The following CNTNAP5 variants were observed in gnomAD, a reference collection of about 807,000 sequenced individuals.
CNTNAP5 encodes contactin associated protein family member 5.
In CNTNAP5, 72 loss-of-function variants were observed where a neutral mutation model predicts 150.2. The ratio of observed to expected loss-of-function variants is 0.48; its 90% CI spans 0.40 to 0.58. The LOEUF (loss-of-function observed/expected upper bound fraction) is 0.58, where lower values mean the gene tolerates loss of function less well. Among genes scored for constraint, CNTNAP5 ranks in the 20% least tolerant of loss-of-function variants. CNTNAP5 has a pLI of 0.00. For missense variants in CNTNAP5, 1,636 were observed against 1,626.2 expected, an observed-to-expected ratio of 1.01 and a Z score of -0.10; for synonymous variants, 672 against 619.8, an observed-to-expected ratio of 1.08 and a Z score of -1.25.
chr2:124,084,318 G>A (rs1487925261), intron 1 of CNTNAP5, among the ~76,000 whole-genome samples: 2 of 151,538 alleles, frequency 1.3e-5, no homozygotes, highest in African/African-American at 4.9e-5. Flanking sequence ...CCAGGCTGGA[G>A]TGCAGTGGCT....
intron 19 of CNTNAP5, among the ~76,000 whole-genome samples, chr2:124,804,628 C>T (rs1017121982): frequency 1.3e-5 from 2 of 152,080 alleles, no homozygotes; most frequent in African/African-American, 4.8e-5. Context: ...TCTTTGAATG[C>T]CATGTGAGGA....
intron 13 of CNTNAP5, among the ~76,000 whole-genome samples, chr2:124,716,344 C>T (rs925656074): frequency 6.6e-6 from 1 of 152,004 alleles, no homozygotes; most frequent in Non-Finnish European, 1.5e-5. Flanking sequence ...CAACATATAT[C>T]GTTATCCTTA....
intron 19 of CNTNAP5, among the ~76,000 whole-genome samples, chr2:124,806,564 T>A (rs941350384): frequency 3.3e-5 from 5 of 152,194 alleles, no homozygotes; most frequent in African/African-American, 1.2e-4. Flanking sequence ...CTTTCCCAGT[T>A]TAAACGACTC....
chr2:124,286,232 A>G (rs1688146123), intron 3 of CNTNAP5, among the ~76,000 whole-genome samples: 1 of 152,116 alleles, frequency 6.6e-6, no homozygotes. Flanking sequence ...TCTGGCTCAC[A>G]AAGGCCTTTC....
intron 3 of CNTNAP5, among the ~76,000 whole-genome samples, chr2:124,411,365 C>T (rs1224524271): frequency 6.6e-6 from 1 of 152,080 alleles, no homozygotes; most frequent in Non-Finnish European, 1.5e-5. Flanking sequence ...GGTATCCTCC[C>T]TAACTCATTT....
chr2:124,542,592 G>C (rs1473041085), intron 10 of CNTNAP5, among the ~76,000 whole-genome samples: 1 of 151,988 alleles, frequency 6.6e-6, no homozygotes, highest in African/African-American at 2.4e-5. Context: ...CCCAAATCCA[G>C]CCCATCTGTC....
Position 124,772,884 on chromosome 2 carries a change from C to T in CNTNAP5, c.2619C>T (p.Asn873=), listed in dbSNP as rs780452798. The change falls in exon 17 of 24, where the codon AAC becomes AAT. Residue 873 remains asparagine (N), a synonymous_variant. Transcript: ENST00000682447. ...AGTCTCCTTCTCTTCTGAATGACAA[C>T]CAATGGCACTATGTCCGGGCTGAGA... ...VVQSPSLLND[N]QWHYVRAERN... is the part of the protein sequence containing the mutation. 219 of 1,613,512 alleles carry T rather than the reference C, an allele frequency of 1.4e-4. No homozygotes were observed. Among genetic ancestry groups the T allele is most frequent in the Admixed American group, 3.5e-4 (21 of 59,994 alleles).
intron 1 of CNTNAP5, among the ~76,000 whole-genome samples, chr2:124,110,881 T>C (rs1447893759): frequency 6.6e-6 from 1 of 152,172 alleles, no homozygotes; most frequent in Non-Finnish European, 1.5e-5. Context: ...AGGCCCTTGA[T>C]AGAAAGCTCA....
chr2:124,512,898 T>A (rs1694625568), intron 8 of CNTNAP5, among the ~76,000 whole-genome samples: 1 of 152,154 alleles, frequency 6.6e-6, no homozygotes, highest in Non-Finnish European at 1.5e-5. Context: ...ATTGACTACA[T>A]TTACATTAAA....
intron 1 of CNTNAP5, among the ~76,000 whole-genome samples, chr2:124,134,474 T>C (rs1238278858): frequency 6.6e-6 from 1 of 152,192 alleles, no homozygotes; most frequent in African/African-American, 2.4e-5. Flanking sequence ...CATTCTATTA[T>C]AAGATAATCT....
At chr2:124,767,049 C>T (rs1681083184) in intron 16 of CNTNAP5, among the ~76,000 whole-genome samples, 1 of 152,164 alleles carries the variant, frequency 6.6e-6, no homozygotes, top group South Asian at 2.1e-4. Context: ...TCTTTATTTA[C>T]AGCTACACTC....
At chr2:124,859,784 T>C (rs1203876668) in intron 19 of CNTNAP5, among the ~76,000 whole-genome samples, 1 of 152,010 alleles carries the variant, frequency 6.6e-6, no homozygotes, top group African/African-American at 2.4e-5. Context: ...CTGGAAACCA[T>C]CATTCTCAGC....
chr2:124,040,658 A>G (rs1195727121), intron 1 of CNTNAP5, among the ~76,000 whole-genome samples: 1 of 59,584 alleles, frequency 1.7e-5, no homozygotes, highest in Admixed American at 1.5e-4. Context: ...TGTGTGTGTA[A>G]CAGTGCTTAC....
chr2:124,436,913 G>T (rs1288259602), intron 5 of CNTNAP5, among the ~76,000 whole-genome samples: 1 of 152,068 alleles, frequency 6.6e-6, no homozygotes, highest in Non-Finnish European at 1.5e-5. Context: ...GTACTTACCT[G>T]TTTTAAGCAG....
chr2:124,692,505 A>C (rs1679319617), intron 13 of CNTNAP5, among the ~76,000 whole-genome samples: 1 of 152,104 alleles, frequency 6.6e-6, no homozygotes, highest in Non-Finnish European at 1.5e-5. Context: ...GCAAAAGATC[A>C]CTGAAACAAC....
intron 6 of CNTNAP5, among the ~76,000 whole-genome samples, chr2:124,454,023 C>T (rs762026732): frequency 9.9e-5 from 15 of 152,008 alleles, no homozygotes; most frequent in Middle Eastern, 3.2e-3. Context: ...ACAAATAGCA[C>T]GATGAATGAA....
chr2:124,915,146 A>T lies in CNTNAP5; in HGVS notation c.*858A>T, dbSNP rs1338096495. On this transcript the variant is annotated 3_prime_UTR_variant, in exon 24 of 24. Coordinates refer to ENST00000682447, the MANE Select transcript of CNTNAP5 (RefSeq NM_001367498.1). ...ATTATACTGAGATATATATATATAC[A>T]CACACACACACATATGTGTATATAT... 4.2e-5 allele frequency: 7 copies of T among 165,216 alleles called. No homozygotes were observed. The allele number at this position is 165,216 out of a possible 1,614,324, so 10.2% of individuals were successfully genotyped here.
intron 6 of CNTNAP5, among the ~76,000 whole-genome samples, chr2:124,473,336 T>C (rs978543441): frequency 3.3e-5 from 5 of 151,906 alleles, no homozygotes; most frequent in Non-Finnish European, 7.4e-5. Context: ...AAATTATCAA[T>C]AAAAATTCTA....
At chr2:124,297,938 G>A (rs951842881) in intron 3 of CNTNAP5, among the ~76,000 whole-genome samples, 1 of 151,356 alleles carries the variant, frequency 6.6e-6, no homozygotes, top group African/African-American at 2.4e-5. Context: ...TCCGCCTCCC[G>A]GGTTCAAGCG....
Sources: gnomAD v4.1 joint callset for allele counts (sites outside exome capture counted in the v4.1 genomes callset) on GRCh38, gnomAD v4.1.1 for gene constraint, MANE v1.5 for transcripts, NCBI Gene and HGNC (gene_info 2026-07-23, HGNC 2026-07-21) for gene names.